SNX29: variants seen among roughly 807,000 people sequenced by gnomAD.
The protein encoded by SNX29 is sorting nexin-29.
Under a neutral mutation model 102.1 loss-of-function variants are expected in SNX29, and 78 were observed. The ratio of observed to expected loss-of-function variants is 0.76; its 90% CI spans 0.64 to 0.92. The LOEUF is 0.92. Ranked by LOEUF, SNX29 falls within the 40% of genes least tolerant of loss-of-function variation. The pLI, the probability that SNX29 is intolerant of heterozygous loss-of-function variation, is 0.00. For missense variants in SNX29, 1,280 were observed against 1,061.7 expected, an observed-to-expected ratio of 1.21 and a Z score of -2.86; for synonymous variants, 580 against 414.5, an observed-to-expected ratio of 1.40 and a Z score of -4.85.
intron 20 of SNX29, among the ~76,000 whole-genome samples, chr16:12,544,513 C>G (rs948510782): frequency 6.6e-6 from 1 of 152,106 alleles, no homozygotes; most frequent in Non-Finnish European, 1.5e-5. Context: ...TGGCATTTTT[C>G]TGTGGGGAAT....
chr16:12,504,027 T>C (rs1230800473), intron 19 of SNX29, among the ~76,000 whole-genome samples: 2 of 152,156 alleles, frequency 1.3e-5, no homozygotes, highest in African/African-American at 4.8e-5. Flanking sequence ...AGAAACCCTC[T>C]ACCACTTGGT....
intron 13 of SNX29, among the ~76,000 whole-genome samples, chr16:12,132,101 CT>C (rs36096248): frequency 2.4e-3 from 349 of 142,736 alleles, no homozygotes; most frequent in African/African-American, 3.4e-3. Context: ...TATGCCCTGT[CT>C]TTTTTTTTTT....
chr16:12,203,830 G>A (rs2076978574), intron 14 of SNX29, among the ~76,000 whole-genome samples: 1 of 152,246 alleles, frequency 6.6e-6, no homozygotes, highest in Non-Finnish European at 1.5e-5. Flanking sequence ...TGACTCCAGA[G>A]AGACATGGGT....
Position 12,478,147 on chromosome 16 carries a change from C to T in SNX29, c.2178+288C>T, listed in dbSNP as rs1341843697. 2.0e-5 allele frequency among the ~76,000 whole-genome samples: 3 copies of T among 152,160 alleles called. No homozygotes were observed. In the East Asian group the frequency reaches 5.8e-4, roughly 29 times the overall value. ...AATATGTTTGGCTTTGGGGACTTTACCATTTCAGTGGCAAATACTCACCTC... is the reference window on the plus strand; with the variant it reads ...AATATGTTTGGCTTTGGGGACTTTATCATTTCAGTGGCAAATACTCACCTC... On this transcript the variant is annotated intron_variant, in intron 19 of 20. Coordinates refer to ENST00000566228, the MANE Select transcript of SNX29 (RefSeq NM_032167.5).
At chr16:12,555,951 C>G (rs189021155) in intron 20 of SNX29, among the ~76,000 whole-genome samples, 1 of 152,168 alleles carries the variant, frequency 6.6e-6, no homozygotes, top group African/African-American at 2.4e-5. Context: ...ATCACACCAA[C>G]TTGTAACACC....
intron 19 of SNX29, among the ~76,000 whole-genome samples, chr16:12,503,853 T>A (rs2089242657): frequency 6.6e-6 from 1 of 152,240 alleles, no homozygotes; most frequent in Non-Finnish European, 1.5e-5. Context: ...TCCATTGTTC[T>A]GTTTGAGCCA....
chr16:12,076,255 G>A (rs1287946368), intron 10 of SNX29, among the ~76,000 whole-genome samples: 2 of 151,906 alleles, frequency 1.3e-5, no homozygotes, highest in African/African-American at 4.8e-5. Flanking sequence ...CACTCACGCT[G>A]GGAGCTGTAG....
chr16:12,466,726 C>A (rs1434429818), intron 18 of SNX29, among the ~76,000 whole-genome samples: 8 of 152,212 alleles, frequency 5.3e-5, no homozygotes, highest in Admixed American at 4.6e-4. Flanking sequence ...AGTTTTCTGG[C>A]AGGGGCTGGT....
chr16:12,547,534 G>A (rs556431021), intron 20 of SNX29, among the ~76,000 whole-genome samples: 7 of 152,058 alleles, frequency 4.6e-5, no homozygotes, highest in Non-Finnish European at 7.4e-5. Flanking sequence ...AGAGGAACTG[G>A]AAGAACAGAG....
intron 18 of SNX29, among the ~76,000 whole-genome samples, chr16:12,471,704 T>C (rs942299052): frequency 2.0e-5 from 3 of 152,282 alleles, no homozygotes; most frequent in African/African-American, 7.2e-5. Context: ...TGTTTTGTTT[T>C]TGCTTTTAAA....
intron 14 of SNX29, among the ~76,000 whole-genome samples, chr16:12,201,240 C>A (rs1013899232): frequency 3.9e-5 from 6 of 152,090 alleles, no homozygotes; most frequent in African/African-American, 1.4e-4. Flanking sequence ...TATTATGGCC[C>A]TGAATTCATC....
chr16:12,016,212 T>G (rs139313877), intron 3 of SNX29, among the ~76,000 whole-genome samples: 5 of 152,356 alleles, frequency 3.3e-5, no homozygotes, highest in African/African-American at 1.2e-4. Context: ...ATGTTGCAGA[T>G]GTACAAACAG....
At chr16:12,206,495 T>G (rs2077047545) in intron 14 of SNX29, among the ~76,000 whole-genome samples, 1 of 152,152 alleles carries the variant, frequency 6.6e-6, no homozygotes, top group Non-Finnish European at 1.5e-5. Flanking sequence ...TGTCACTGTT[T>G]GCAGAGTTGG....
At chr16:12,414,862 C>T (rs897699714) in intron 18 of SNX29, among the ~76,000 whole-genome samples, 2 of 152,160 alleles carry the variant, frequency 1.3e-5, no homozygotes, top group African/African-American at 4.8e-5. Flanking sequence ...GCTGGGATTA[C>T]GTGTGCCCAC....
At chr16:12,464,031 CT>C (rs1243642176) in intron 18 of SNX29, among the ~76,000 whole-genome samples, 4 of 152,094 alleles carry the variant, frequency 2.6e-5, no homozygotes, top group Non-Finnish European at 4.4e-5. Context: ...CCCCCAGCCC[CT>C]GGCAACCCCC....
At chr16:12,235,501 G>T (rs1022257999) in intron 14 of SNX29, among the ~76,000 whole-genome samples, 4 of 152,048 alleles carry the variant, frequency 2.6e-5, no homozygotes, top group Non-Finnish European at 5.9e-5. Flanking sequence ...GCTTGAGTTT[G>T]TCAGGAGTTT....
intron 15 of SNX29, among the ~76,000 whole-genome samples, chr16:12,306,141 T>TA (rs150339453): frequency 0.033 from 5,066 of 152,142 alleles, 293 homozygotes; most frequent in African/African-American, 0.12. Flanking sequence ...TCCCTCTTCT[T>TA]AAACAGTTTG....
intron 19 of SNX29, among the ~76,000 whole-genome samples, chr16:12,520,802 G>A (rs947118934): frequency 2.0e-5 from 3 of 152,136 alleles, no homozygotes; most frequent in African/African-American, 7.2e-5. Flanking sequence ...CTCAGGCGTG[G>A]GGGAGGTTGG....
At chr16:12,410,339 G>A (rs1249250057) in intron 18 of SNX29, among the ~76,000 whole-genome samples, 2 of 151,910 alleles carry the variant, frequency 1.3e-5, no homozygotes, top group African/African-American at 4.8e-5. Context: ...GAGGCCACAG[G>A]GTGTTGTCTT....
Sources: gnomAD v4.1 joint callset for allele counts (sites outside exome capture counted in the v4.1 genomes callset) on GRCh38, gnomAD v4.1.1 for gene constraint, MANE v1.5 for transcripts, NCBI Gene and HGNC (gene_info 2026-07-23, HGNC 2026-07-21) for gene names.